The following BICD1 variants were observed in gnomAD, a reference collection of about 807,000 sequenced individuals.
The protein encoded by BICD1 is BICD cargo adaptor 1, also known as protein bicaudal D homolog 1.
A neutral mutation model predicts 92.5 loss-of-function variants in BICD1; 35 were observed. The observed-to-expected ratio is 0.38, with a 90% confidence interval of 0.29 to 0.50. The LOEUF is 0.50. Among genes scored for constraint, BICD1 ranks in the 20% least tolerant of loss-of-function variants. The pLI, the probability that BICD1 is intolerant of heterozygous loss-of-function variation, is 0.93. For synonymous variants in BICD1, 429 were observed against 465.1 expected (o/e 0.92, Z 1.00); for missense variants, 950 against 1,189.8 (o/e 0.80, Z 2.97).
chr12:32,269,176 T>C (rs1228103888), intron 2 of BICD1, among the ~76,000 whole-genome samples: 2 of 152,144 alleles, frequency 1.3e-5, no homozygotes, highest in African/African-American at 4.8e-5. Flanking sequence ...AGAATTAATG[T>C]CATCAGATTT....
Position 32,160,499 on chromosome 12 carries a change from CT to C in BICD1, c.213+52967del, listed in dbSNP as rs879507611. Among the ~76,000 whole-genome samples the C allele has an allele frequency of 3.8e-3, 551 of 143,230 alleles. 1 individual carries two copies. The highest frequency in any genetic ancestry group is 7.3e-3 in the African/African-American group (286 of 39,306). The allele number at this position is 143,230 out of a possible 152,430, so 94.0% of individuals were successfully genotyped here. A position where few individuals can be genotyped will look rare whatever the true frequency, so the allele number is the denominator to read the frequency against. ...TTTATCTTGAAATGGAAGTGCCTCA[CT>C]TTTTTTTTTTTAATGGAGCCTCAAT... is the stretch of plus-strand genomic sequence containing the variant. On this transcript the variant is annotated intron_variant, in intron 1 of 9. Coordinates refer to ENST00000652176, the MANE Select transcript of BICD1 (RefSeq NM_001714.4).
chr12:32,193,823 C>T (rs1479975281), intron 1 of BICD1, among the ~76,000 whole-genome samples: 2 of 152,108 alleles, frequency 1.3e-5, no homozygotes, highest in African/African-American at 4.8e-5. Flanking sequence ...CCAAGAAATT[C>T]GAGAGGAGGG....
In BICD1 at chr12:32,216,245, A is replaced by T. The variant is rs1247943434; in HGVS notation, c.214-2A>T. ...CTCTTTTTCTTCCCATATACTCTGC[A>T]GGCATTTGGGCAGTCCTTCTCCATC... On this transcript the variant is annotated splice_acceptor_variant, in intron 1 of 9. Coordinates refer to ENST00000652176, the MANE Select transcript of BICD1 (RefSeq NM_001714.4). LOFTEE classifies it high-confidence loss of function. 1 of 1,612,890 alleles carries T rather than the reference A, an allele frequency of 6.2e-7. No individual in the cohort carries two copies. Among genetic ancestry groups the T allele is most frequent in the Non-Finnish European group, 8.5e-7 (1 of 1,179,702 alleles).
At chr12:32,185,748 A>G (rs930026129) in intron 1 of BICD1, among the ~76,000 whole-genome samples, 1 of 152,180 alleles carries the variant, frequency 6.6e-6, no homozygotes, top group South Asian at 2.1e-4. Context: ...TGGTGAATCC[A>G]CCACAGTTAA....
intron 1 of BICD1, among the ~76,000 whole-genome samples, chr12:32,115,282 C>T (rs1941848604): frequency 6.6e-6 from 1 of 152,072 alleles, no homozygotes; most frequent in Admixed American, 6.6e-5. Flanking sequence ...CCTTCTTCTC[C>T]CACAGTTCTG....
chr12:32,225,278 T>C (rs1453396649), intron 2 of BICD1, among the ~76,000 whole-genome samples: 1 of 152,246 alleles, frequency 6.6e-6, no homozygotes, highest in Non-Finnish European at 1.5e-5. Context: ...AGTTGTTACA[T>C]GTGTCAATAG....
intron 2 of BICD1, among the ~76,000 whole-genome samples, chr12:32,226,188 G>A (rs1592510800): frequency 1.3e-5 from 2 of 152,124 alleles, no homozygotes; most frequent in Admixed American, 1.3e-4. Context: ...ATGCTGGAAT[G>A]TAGTGGCATG....
chr12:32,232,831 T>G (rs184934578), intron 2 of BICD1, among the ~76,000 whole-genome samples: 9 of 152,282 alleles, frequency 5.9e-5, no homozygotes, highest in Non-Finnish European at 8.8e-5. Flanking sequence ...CCCAGCACCA[T>G]TTATTAAATA....
chr12:32,210,785 A>G (rs1945192631), intron 1 of BICD1, among the ~76,000 whole-genome samples: 1 of 152,274 alleles, frequency 6.6e-6, no homozygotes, highest in Admixed American at 6.5e-5. Context: ...TGAACAAAAT[A>G]TAACTAGAAG....
intron 3 of BICD1, among the ~76,000 whole-genome samples, chr12:32,301,043 A>G (rs1234804251): frequency 6.6e-6 from 1 of 152,104 alleles, no homozygotes; most frequent in African/African-American, 2.4e-5. Context: ...CTTTCTTATA[A>G]CCACACTGAG....
At chr12:32,281,624 A>G (rs145704247) in intron 2 of BICD1, among the ~76,000 whole-genome samples, 6 of 152,344 alleles carry the variant, frequency 3.9e-5, no homozygotes, top group African/African-American at 1.4e-4. Flanking sequence ...AAGTATAAAT[A>G]CACATGGAAT....
intron 1 of BICD1, among the ~76,000 whole-genome samples, chr12:32,188,507 G>A (rs115089423): frequency 2.0e-5 from 3 of 152,102 alleles, no homozygotes; most frequent in Admixed American, 6.5e-5. Context: ...AAAAAAATAC[G>A]TAGTCTTAAG....
chr12:32,132,549 C>T (rs575740486), intron 1 of BICD1, among the ~76,000 whole-genome samples: 15 of 152,024 alleles, frequency 9.9e-5, no homozygotes, highest in Non-Finnish European at 1.9e-4. Context: ...TGGCTCAATG[C>T]GGGACGGTTA....
At chr12:32,283,311 A>T (rs1947470009) in intron 2 of BICD1, among the ~76,000 whole-genome samples, 1 of 150,598 alleles carries the variant, frequency 6.6e-6, no homozygotes, top group African/African-American at 2.4e-5. Flanking sequence ...TTAATACCGA[A>T]GTCAGGATCT....
chr12:32,292,237 T>C lies in BICD1; in HGVS notation c.427-1757T>C, dbSNP rs550798900. Among the ~76,000 whole-genome samples the C allele has an allele frequency of 1.7e-3, 264 of 152,316 alleles. 1 individual carries two copies. Among genetic ancestry groups the C allele is most frequent in the African/African-American group, 6.1e-3 (255 of 41,562 alleles). ...GTTTGCTGGCAATCCTTGATGTTCC[T>C]TGGCGTGTAGATGGGTCACTTCGGT... is the stretch of plus-strand genomic sequence containing the variant. On this transcript the variant is annotated intron_variant, in intron 2 of 9. Transcript: ENST00000652176.
intron 1 of BICD1, among the ~76,000 whole-genome samples, chr12:32,111,533 A>G (rs1292374421): frequency 1.3e-5 from 2 of 152,218 alleles, no homozygotes; most frequent in Admixed American, 1.3e-4. Context: ...GAATAAACAT[A>G]AAGAGACAGT....
intron 5 of BICD1, among the ~76,000 whole-genome samples, chr12:32,333,527 A>G (rs1435678443): frequency 6.6e-6 from 1 of 152,234 alleles, no homozygotes; most frequent in African/African-American, 2.4e-5. Context: ...TTAAAAACCA[A>G]GGTAGTCTTC....
At chr12:32,275,630 A>C (rs1947253048) in intron 2 of BICD1, among the ~76,000 whole-genome samples, 2 of 151,754 alleles carry the variant, frequency 1.3e-5, no homozygotes, top group Non-Finnish European at 2.9e-5. Context: ...GCTGGAGCTG[A>C]GCTTTCGCTT....
At chr12:32,374,910 C>CTTTTTTTTTT (rs1185628924) in intron 9 of BICD1, among the ~76,000 whole-genome samples, 3 of 49,606 alleles carry the variant, frequency 6.0e-5, no homozygotes, top group Non-Finnish European at 1.0e-4. Flanking sequence ...ATTTATTTTC[C>CTTTTTTTTTT]TTTTTTTTTT....
Sources: allele counts gnomAD v4.1 joint callset (sites outside exome capture counted in the v4.1 genomes callset), GRCh38; gene constraint gnomAD v4.1.1; transcripts MANE v1.5; gene names NCBI Gene and HGNC (gene_info 2026-07-23, HGNC 2026-07-21).